The following SEMA6D variants were observed in gnomAD, a reference collection of about 807,000 sequenced individuals.
SEMA6D encodes the protein semaphorin-6D.
A neutral mutation model predicts 106.6 loss-of-function variants in SEMA6D; 35 were observed. That is an observed-to-expected ratio of 0.33 (90% CI 0.25 to 0.44). SEMA6D has a LOEUF of 0.44. Ranked by LOEUF, SEMA6D falls within the 20% of genes least tolerant of loss-of-function variation. SEMA6D has a pLI of 1.00. For missense variants in SEMA6D, 1,185 were observed against 1,345.9 expected, an observed-to-expected ratio of 0.88 and a Z score of 1.87; for synonymous variants, 499 against 487.7, an observed-to-expected ratio of 1.02 and a Z score of -0.31.
rs780043867 is a variant in SEMA6D at position 47,405,771 on chromosome 15, C to CTTG, written c.-238-6621_-238-6620insTGT. On this transcript the variant is annotated intron_variant, in intron 1 of 19. Coordinates refer to the SEMA6D transcript ENST00000558014. ...ATTTTCAGCTCTATTACATGCTTCT[C>CTTG]TCAATCATTCTTTAGAGCAGGGGAT... Among the ~76,000 whole-genome samples, 6 of 152,282 alleles carry CTTG rather than the reference C, an allele frequency of 3.9e-5. No individual in the cohort carries two copies. The East Asian group carries it at 1.2e-3, about 29-fold the overall frequency.
intron 1 of SEMA6D, among the ~76,000 whole-genome samples, chr15:47,238,584 G>A (rs1190915099): frequency 6.6e-6 from 1 of 152,110 alleles, no homozygotes; most frequent in Admixed American, 6.5e-5. Flanking sequence ...GTTCCCAAGA[G>A]TGCCTAGCAC....
At chr15:47,440,681 G>C (rs183407206) in intron 2 of SEMA6D, among the ~76,000 whole-genome samples, 1 of 152,116 alleles carries the variant, frequency 6.6e-6, no homozygotes, top group East Asian at 1.9e-4. Flanking sequence ...GTTGAATGAT[G>C]ACTTAACATA....
intron 3 of SEMA6D, among the ~76,000 whole-genome samples, chr15:47,550,013 G>A (rs1299689050): frequency 6.6e-6 from 1 of 152,188 alleles, no homozygotes; most frequent in Admixed American, 6.5e-5. Flanking sequence ...TCTCATTAAA[G>A]AGAGAGTAGA....
At chr15:47,236,578 C>T (rs1237734653) in intron 1 of SEMA6D, among the ~76,000 whole-genome samples, 1 of 152,086 alleles carries the variant, frequency 6.6e-6, no homozygotes, top group Non-Finnish European at 1.5e-5. Flanking sequence ...TATTAACCTT[C>T]TAACATAAAG....
At chr15:47,646,717 A>G (rs1223545528) in intron 4 of SEMA6D, among the ~76,000 whole-genome samples, 1 of 152,160 alleles carries the variant, frequency 6.6e-6, no homozygotes, top group African/African-American at 2.4e-5. Context: ...CAACTTTAGG[A>G]AAAAAGTGGA....
rs1566883077 is a variant in SEMA6D at position 47,552,891 on chromosome 15, A to AATATATATATATATTTTTATAT, written c.-86-47960_-86-47959insTTTTATATATATATATATATAT. Among the ~76,000 whole-genome samples the AATATATATATATATTTTTATAT allele has an allele frequency of 1.1e-4, 4 of 35,282 alleles. 1 individual carries two copies. Among genetic ancestry groups the AATATATATATATATTTTTATAT allele is most frequent in the Non-Finnish European group, 1.5e-4 (3 of 19,990 alleles). The allele number at this position is 35,282 out of a possible 152,430, so 23.1% of individuals were successfully genotyped here. On this transcript the variant is annotated intron_variant, in intron 3 of 19. Coordinates refer to the SEMA6D transcript ENST00000558014. ...TTTTATATATATATAAATATATATA[A>AATATATATATATATTTTTATAT]ATATATATATATATAAATATATATA...
At chr15:47,318,427 C>T (rs1056881790) in intron 1 of SEMA6D, among the ~76,000 whole-genome samples, 1 of 119,056 alleles carries the variant, frequency 8.4e-6, no homozygotes, top group African/African-American at 3.1e-5. Context: ...CTCCCCCCAC[C>T]CCACAACAGT....
intron 2 of SEMA6D, among the ~76,000 whole-genome samples, chr15:47,426,478 C>T (rs540726446): frequency 2.0e-5 from 3 of 152,174 alleles, no homozygotes; most frequent in Admixed American, 6.5e-5. Context: ...TCTTCTAGTC[C>T]GACATTGTGG....
intron 1 of SEMA6D, among the ~76,000 whole-genome samples, chr15:47,291,897 A>G (rs987620656): frequency 6.6e-6 from 1 of 152,160 alleles, no homozygotes; most frequent in Non-Finnish European, 1.5e-5. Context: ...CAGAGTGTAC[A>G]ACAGTAAGCA....
At chr15:47,392,953 C>T (rs146745280) in intron 1 of SEMA6D, among the ~76,000 whole-genome samples, 99 of 152,166 alleles carry the variant, frequency 6.5e-4, no homozygotes, top group Middle Eastern at 3.2e-3. Flanking sequence ...TAGTCCTGTT[C>T]GGGCACCTGC....
At chr15:47,355,189 G>A (rs1280139791) in intron 1 of SEMA6D, among the ~76,000 whole-genome samples, 1 of 152,100 alleles carries the variant, frequency 6.6e-6, no homozygotes, top group Non-Finnish European at 1.5e-5. Flanking sequence ...GGGGCAGAAG[G>A]AAAGGGGTAA....
intron 1 of SEMA6D, among the ~76,000 whole-genome samples, chr15:47,351,073 G>A (rs1367103516): frequency 2.6e-5 from 4 of 152,124 alleles, no homozygotes; most frequent in African/African-American, 4.8e-5. Flanking sequence ...AAGCTAAGCA[G>A]CCTCTTATCT....
At chr15:47,720,758 A>G (rs1201830039) in intron 1 of SEMA6D, among the ~76,000 whole-genome samples, 2 of 152,146 alleles carry the variant, frequency 1.3e-5, no homozygotes, top group African/African-American at 2.4e-5. Flanking sequence ...ATCATAATAA[A>G]CCTTGGTAAT....
chr15:47,382,623 C>T (rs2039682670), intron 1 of SEMA6D, among the ~76,000 whole-genome samples: 1 of 152,230 alleles, frequency 6.6e-6, no homozygotes, highest in South Asian at 2.1e-4. Context: ...AAATGCTGCT[C>T]AATATAGGTA....
intron 1 of SEMA6D, among the ~76,000 whole-genome samples, chr15:47,332,753 T>C (rs969880081): frequency 3.3e-5 from 5 of 152,208 alleles, no homozygotes; most frequent in Non-Finnish European, 4.4e-5. Context: ...TTTAGGGCTG[T>C]TCACAAGATA....
intron 1 of SEMA6D, among the ~76,000 whole-genome samples, chr15:47,726,620 C>T (rs1567030346): frequency 6.6e-6 from 1 of 152,154 alleles, no homozygotes; most frequent in Non-Finnish European, 1.5e-5. Flanking sequence ...ATTACTTCAC[C>T]TCTTTGAGAC....
intron 1 of SEMA6D, among the ~76,000 whole-genome samples, chr15:47,742,403 C>A (rs929329215): frequency 4.6e-5 from 7 of 152,092 alleles, no homozygotes; most frequent in African/African-American, 1.7e-4. Flanking sequence ...CCTTGCTGCA[C>A]GGGAGGGATC....
intron 1 of SEMA6D, among the ~76,000 whole-genome samples, chr15:47,266,082 CA>C (rs983335465): frequency 2.4e-4 from 37 of 152,092 alleles, no homozygotes; most frequent in African/African-American, 8.9e-4. Flanking sequence ...TTCTTGAGGT[CA>C]GTTTTTGAGA....
chr15:47,415,482 CTGTG>C (rs1260465271), intron 2 of SEMA6D, among the ~76,000 whole-genome samples: 1 of 152,138 alleles, frequency 6.6e-6, no homozygotes, highest in Non-Finnish European at 1.5e-5. Context: ...ACAGCAAACC[CTGTG>C]TATCTTCCTG....
Sources: gnomAD v4.1 joint callset for allele counts (sites outside exome capture counted in the v4.1 genomes callset) on GRCh38, gnomAD v4.1.1 for gene constraint, MANE v1.5 for transcripts, NCBI Gene and HGNC (gene_info 2026-07-23, HGNC 2026-07-21) for gene names.